NLRP8: variants seen among roughly 807,000 people sequenced by gnomAD.
The protein encoded by NLRP8 is NLR family pyrin domain containing 8, also known as NACHT, LRR and PYD domains-containing protein 8.
A neutral mutation model predicts 88.7 loss-of-function variants in NLRP8; 86 were observed. The ratio of observed to expected loss-of-function variants is 0.97; its 90% CI spans 0.81 to 1.16. NLRP8 has a LOEUF of 1.16. NLRP8 is among the 50% of genes most tolerant of loss of function. NLRP8 has a pLI of 0.00. For missense variants in NLRP8, 1,342 were observed against 1,286.5 expected (o/e 1.04, Z -0.66); for synonymous variants, 504 against 494.6 (o/e 1.02, Z -0.25).
chr19:55,966,297 A>G lies in NLRP8; in HGVS notation c.2298A>G (p.Ile766Met). Reference sequence around the variant, plus strand: ...ACCAGCATCTGAGATACTTGGAAATACAACATGTGGAAGTGGAGTCCAAAG... The same window carrying G: ...ACCAGCATCTGAGATACTTGGAAATGCAACATGTGGAAGTGGAGTCCAAAG... Residue 766 changes from isoleucine to methionine, a missense_variant, in exon 5 of 10, where the codon ATA becomes ATG. Ile to Met is a conservative substitution (Grantham distance 10, BLOSUM62 1). Transcript: ENST00000291971. 2 of 1,614,104 alleles carry G rather than the reference A, an allele frequency of 1.2e-6. No individual in the cohort carries two copies. The highest frequency in any genetic ancestry group is 1.1e-5 in the South Asian group (1 of 91,080).
chr19:55,957,840 C>G (rs923994309), intron 3 of NLRP8, among the ~76,000 whole-genome samples: 8 of 151,628 alleles, frequency 5.3e-5, no homozygotes, highest in Admixed American at 3.3e-4. Flanking sequence ...ATCCCCTCCA[C>G]TCGACCAAAA....
Position 55,988,496 on chromosome 19 carries a change from T to G in NLRP8, c.*583T>G, listed in dbSNP as rs1470501882. On this transcript the variant is annotated 3_prime_UTR_variant, in exon 10 of 10. Coordinates refer to ENST00000291971, the MANE Select transcript of NLRP8 (RefSeq NM_176811.2). ...CTATATAAAGTTTAAATGAAATGCT[T>G]TGAGTCACCTAAGACAGGATATAGA... is the stretch of plus-strand genomic sequence containing the variant. 6.8e-6 allele frequency: 1 copy of G among 146,336 alleles called. No homozygotes were observed. The highest frequency in any genetic ancestry group is 2.5e-5 in the African/African-American group (1 of 39,524). The allele number at this position is 146,336 out of a possible 1,614,324, so 9.1% of individuals were successfully genotyped here. A position where few individuals can be genotyped will look rare whatever the true frequency, so the allele number is the denominator to read the frequency against.
At chr19:55,960,055 A>G (rs1224644347) in intron 3 of NLRP8, among the ~76,000 whole-genome samples, 1 of 152,066 alleles carries the variant, frequency 6.6e-6, no homozygotes, top group Non-Finnish European at 1.5e-5. Context: ...AAACTTGTTT[A>G]ATCCTGAATG....
intron 6 of NLRP8, among the ~76,000 whole-genome samples, chr19:55,971,278 A>G (rs982689001): frequency 2.6e-5 from 4 of 151,890 alleles, no homozygotes; most frequent in Admixed American, 6.6e-5. Flanking sequence ...CATCTCTACT[A>G]AAAATACAAA....
In NLRP8 at chr19:55,981,164, T is replaced by C. The variant is rs1003783189; in HGVS notation, c.3047+1600T>C. 1.3e-5 allele frequency among the ~76,000 whole-genome samples: 2 copies of C among 151,888 alleles called. No individual in the cohort carries two copies. The highest frequency in any genetic ancestry group is 2.9e-5 in the Non-Finnish European group (2 of 67,994). ...TACAGGACTGGAATTCTTAGTGCTG[T>C]GATGAAGCAATAGAGATGAATCGAT... On this transcript the variant is annotated intron_variant, in intron 9 of 9. Transcript: ENST00000291971.
rs1369803 is a variant in NLRP8 at position 55,976,450 on chromosome 19, C to T, written c.2876+147C>T. ...ATTGGAGAACTGGGAAGCTTCTGAG[C>T]CGTGGTTCTCAAAGTGTGGATCAGC... On this transcript the variant is annotated intron_variant, in intron 8 of 9. Coordinates refer to ENST00000291971, the MANE Select transcript of NLRP8 (RefSeq NM_176811.2). 0.022 allele frequency: 16,705 copies of T among 746,874 alleles called. 2,139 individuals are homozygous for T. The African/African-American group carries it at 0.27, about 12-fold the overall frequency. The allele number at this position is 746,874 out of a possible 1,614,324, so 46.3% of individuals were successfully genotyped here.
Position 55,955,844 on chromosome 19 carries a change from A to G in NLRP8, c.1786A>G (p.Lys596Glu), listed in dbSNP as rs746934680. 12 of 1,614,184 alleles carry G rather than the reference A, an allele frequency of 7.4e-6. No homozygotes were observed. The highest frequency in any genetic ancestry group is 1.0e-5 in the Non-Finnish European group (12 of 1,180,026). ...GCTGAAAGTCATACCTCTGTTGCAT[A>G]AATGTGACCCACCTTCTCCGGGCAG... The change falls in exon 3 of 10, where the codon AAA becomes GAA. Residue 596 changes from lysine (K) to glutamate (E), a missense_variant. Transcript: ENST00000291971.
chr19:55,958,512 C>A (rs1979472041), intron 3 of NLRP8, among the ~76,000 whole-genome samples: 1 of 152,150 alleles, frequency 6.6e-6, no homozygotes, highest in Non-Finnish European at 1.5e-5. Flanking sequence ...CCAAACCTAG[C>A]TTTCTGCTTG....
Position 55,983,587 on chromosome 19 carries a change from C to T in NLRP8, c.3047+4023C>T, listed in dbSNP as rs1359385276. Among the ~76,000 whole-genome samples the T allele has an allele frequency of 2.0e-5, 3 of 151,626 alleles. No individual in the cohort carries two copies. The East Asian group carries it at 5.8e-4, about 29-fold the overall frequency. On this transcript the variant is annotated intron_variant, in intron 9 of 9. Transcript: ENST00000291971. ...TACTCACATGAGTCTTTAAGGTTCT[C>T]CCCAGAAACTACATGTGAATTACAA... is the stretch of plus-strand genomic sequence containing the variant.
chr19:55,970,942 T>C (rs1452104852), intron 6 of NLRP8, among the ~76,000 whole-genome samples: 2 of 152,212 alleles, frequency 1.3e-5, no homozygotes, highest in African/African-American at 4.8e-5. Context: ...TAATGAGTCC[T>C]ATGTATCCAT....
intron 7 of NLRP8, among the ~76,000 whole-genome samples, chr19:55,975,813 A>G (rs1487519570): frequency 6.6e-6 from 1 of 152,204 alleles, no homozygotes; most frequent in Non-Finnish European, 1.5e-5. Context: ...TAAAGTATCC[A>G]GGGTTTTCCT....
chr19:55,956,065 G>A lies in NLRP8; in HGVS notation c.2007G>A (p.Val669=). 1.2e-6 allele frequency: 2 copies of A among 1,613,892 alleles called. No homozygotes were observed. Among genetic ancestry groups the A allele is most frequent in the South Asian group, 2.2e-5 (2 of 91,042 alleles). ...CCGTCACCCTGAACTTCATGAACGT[G>A]TGGAAGCTCAGCTCCAGCTCCCATC... The change falls in exon 3 of 10, where the codon GTG becomes GTA. Residue 669 remains valine (V), a synonymous_variant. Coordinates refer to ENST00000291971, the MANE Select transcript of NLRP8 (RefSeq NM_176811.2).
chr19:55,986,428 TCACA>T (rs1174771137), intron 9 of NLRP8, among the ~76,000 whole-genome samples: 1 of 146,196 alleles, frequency 6.8e-6, no homozygotes, highest in African/African-American at 2.6e-5. Context: ...ATTCTCTCTC[TCACA>T]CACACATGCA....
chr19:55,977,880 G>A (rs1427452217), intron 8 of NLRP8, among the ~76,000 whole-genome samples: 5 of 151,900 alleles, frequency 3.3e-5, no homozygotes, highest in Admixed American at 3.3e-4. Flanking sequence ...TTGATGATTT[G>A]CTTCTCAAAT....
At chr19:55,950,003 G>C (rs1979019676) in intron 1 of NLRP8, among the ~76,000 whole-genome samples, 1 of 152,216 alleles carries the variant, frequency 6.6e-6, no homozygotes, top group African/African-American at 2.4e-5. Flanking sequence ...ATGTGAAAAG[G>C]AGAGAGAGTC....
In NLRP8 at chr19:55,957,881, A is replaced by C. The variant is rs138131513; in HGVS notation, c.2042+1781A>C. Among the ~76,000 whole-genome samples, 252 of 151,944 alleles carry C rather than the reference A, an allele frequency of 1.7e-3. 1 individual carries two copies. Among genetic ancestry groups the C allele is most frequent in the African/African-American group, 6.0e-3 (248 of 41,420 alleles). ...CCAGAAGATCTTTATTTTGGCAAATATAATGGATTTCTTTTTCTTAAGAAG... is the reference window on the plus strand; with the variant it reads ...CCAGAAGATCTTTATTTTGGCAAATCTAATGGATTTCTTTTTCTTAAGAAG... On this transcript the variant is annotated intron_variant, in intron 3 of 9. Coordinates refer to ENST00000291971, the MANE Select transcript of NLRP8 (RefSeq NM_176811.2).
At chr19:55,957,252 G>T (rs747003045) in intron 3 of NLRP8, among the ~76,000 whole-genome samples, 1 of 152,194 alleles carries the variant, frequency 6.6e-6, no homozygotes, top group African/African-American at 2.4e-5. Flanking sequence ...TGGTGTGACC[G>T]AGTGAATGAA....
chr19:55,964,501 C>A (rs770298796), intron 4 of NLRP8, among the ~76,000 whole-genome samples: 7 of 152,202 alleles, frequency 4.6e-5, no homozygotes, highest in African/African-American at 1.7e-4. Context: ...CCGGTAATCC[C>A]AGCGCTTTGG....
chr19:55,986,473 T>TACACACAC (rs896816246), intron 9 of NLRP8, among the ~76,000 whole-genome samples: 1,082 of 72,488 alleles, frequency 0.015, 9 homozygotes, highest in Middle Eastern at 0.033. Flanking sequence ...CTCTCTCACA[T>TACACACAC]ACACACACAC....
Sources: allele counts gnomAD v4.1 joint callset (sites outside exome capture counted in the v4.1 genomes callset), GRCh38; gene constraint gnomAD v4.1.1; transcripts MANE v1.5; gene names NCBI Gene and HGNC (gene_info 2026-07-23, HGNC 2026-07-21).